The following LCP1 variants were observed in gnomAD, a reference collection of about 807,000 sequenced individuals.
LCP1 encodes the protein plastin-2.
In LCP1, 23 loss-of-function variants were observed where a neutral mutation model predicts 72.0. That is an observed-to-expected ratio of 0.32 (90% CI 0.23 to 0.45). The LOEUF (loss-of-function observed/expected upper bound fraction) is 0.45. Ranked by LOEUF, LCP1 falls within the 20% of genes least tolerant of loss-of-function variation. LCP1 has a pLI of 1.00. For synonymous variants in LCP1, 245 were observed against 275.4 expected (o/e 0.89, Z 1.09); for missense variants, 571 against 748.3 (o/e 0.76, Z 2.76).
intron 14 of LCP1, 150 bp downstream of exon 14, chr13:46,133,977 A>G: frequency 3.2e-6 from 2 of 628,548 alleles, no homozygotes; most frequent in Non-Finnish European, 5.3e-6. Flanking sequence ...GCTGATGAAC[A>G]TCAAAACAAT....
At chr13:46,130,160 T>A (rs573178663) in intron 15 of LCP1, among the ~76,000 whole-genome samples, 127 of 152,312 alleles carry the variant, frequency 8.3e-4, no homozygotes, top group African/African-American at 2.9e-3. Context: ...CGGAATCTGA[T>A]CTGAGAAAAG....
chr13:46,162,371 T>C (rs2045845165), intron 1 of LCP1, among the ~76,000 whole-genome samples: 1 of 151,002 alleles, frequency 6.6e-6, no homozygotes, highest in East Asian at 2.0e-4. Context: ...ACTGTACTGC[T>C]GCCGTATGGG....
At chr13:46,177,984 C>T (rs2045939840) in intron 1 of LCP1, among the ~76,000 whole-genome samples, 1 of 152,062 alleles carries the variant, frequency 6.6e-6, no homozygotes, top group Admixed American at 6.5e-5. Flanking sequence ...TATTTGAGCT[C>T]AACTTGAGGG....
At chr13:46,175,799 C>G (rs1485515754) in intron 1 of LCP1, among the ~76,000 whole-genome samples, 1 of 152,180 alleles carries the variant, frequency 6.6e-6, no homozygotes, top group Non-Finnish European at 1.5e-5. Flanking sequence ...GCATTAGAAA[C>G]AGTGGGGGAA....
intron 8 of LCP1, chr13:46,148,853 T>A (rs1430341791): frequency 5.9e-6 from 5 of 842,466 alleles, no homozygotes; most frequent in Non-Finnish European, 7.1e-6. Context: ...GAAGCACAAG[T>A]TTAAAGCGAG....
rs2045598605 is a variant in LCP1 at position 46,126,440 on chromosome 13, T to C, written c.*1151A>G. Reference sequence around the variant, plus strand: ...CCATTTCTTATCCAGCATAGATTCATTCTGCCCTTGACAGCTGGCTAGGTG... The same window carrying C: ...CCATTTCTTATCCAGCATAGATTCACTCTGCCCTTGACAGCTGGCTAGGTG... On this transcript the variant is annotated 3_prime_UTR_variant, in exon 16 of 16. Transcript: ENST00000323076. 1.7e-5 allele frequency: 4 copies of C among 232,560 alleles called. No homozygotes were observed. Among genetic ancestry groups the C allele is most frequent in the Non-Finnish European group, 2.6e-5 (3 of 117,296 alleles). The allele number at this position is 232,560 out of a possible 1,614,324, so 14.4% of individuals were successfully genotyped here. A position where few individuals can be genotyped will look rare whatever the true frequency, so the allele number is the denominator to read the frequency against.
At chr13:46,133,499 A>C (rs893529856) in intron 14 of LCP1, among the ~76,000 whole-genome samples, 7 of 151,966 alleles carry the variant, frequency 4.6e-5, no homozygotes, top group African/African-American at 1.7e-4. Flanking sequence ...GGTAGTGTGC[A>C]CCTGTAGTCC....
intron 4 of LCP1, 98 bp downstream of exon 4, chr13:46,158,424 G>T: frequency 7.2e-7 from 1 of 1,381,412 alleles, no homozygotes; most frequent in Non-Finnish European, 9.9e-7. Flanking sequence ...CCATAAAGCT[G>T]TGTTTGCTTC....
chr13:46,154,726 GA>G (rs1032069760), intron 6 of LCP1, 78 bp downstream of exon 6: 88 of 1,200,734 alleles, frequency 7.3e-5, no homozygotes, highest in Non-Finnish European at 1.0e-4. Flanking sequence ...CTGAGCCCCT[GA>G]AAAAGGCGGA....
intron 4 of LCP1, 44 bp from the exon 5 acceptor site, chr13:46,156,614 C>CT: frequency 6.2e-7 from 1 of 1,608,544 alleles, no homozygotes; most frequent in Non-Finnish European, 8.5e-7. Context: ...AAGTGAAACT[C>CT]TATTATAAAC....
intron 1 of LCP1, among the ~76,000 whole-genome samples, chr13:46,177,970 T>C (rs1013551041): frequency 6.6e-6 from 1 of 152,216 alleles, no homozygotes; most frequent in African/African-American, 2.4e-5. Flanking sequence ...GGAAGTATTA[T>C]GATTATTTGA....
At position 46,163,895 on chromosome 13, in the gene LCP1, A is replaced by G. The variant is rs1276605921; in HGVS notation, c.-24-4209T>C. Among the ~76,000 whole-genome samples the G allele has an allele frequency of 2.6e-5, 4 of 152,216 alleles. No homozygotes were observed. In the East Asian group the frequency reaches 7.7e-4, roughly 29 times the overall value. ...ACCATATCCACATATGCATGAATAG[A>G]AGGCTCTCCAGCTCTCCGGCTGTCC... On this transcript the variant is annotated intron_variant, in intron 1 of 15. Transcript: ENST00000323076.
intron 1 of LCP1, among the ~76,000 whole-genome samples, chr13:46,163,018 G>A (rs1020536815): frequency 6.8e-6 from 1 of 147,614 alleles, no homozygotes; most frequent in Non-Finnish European, 1.5e-5. Context: ...GAGGTGGGGG[G>A]CAGCCCCCGC....
rs532928240 is a variant in LCP1, at chr13:46,146,783, CAG to C, written c.1174+123_1174+124del. ...TCTATTTATTCTCTTTGTTGCATAC[CAG>C]AGAATTAATGGCCTGTTTGCACATG... On this transcript the variant is annotated intron_variant, in intron 10 of 15. Coordinates refer to ENST00000323076, the MANE Select transcript of LCP1 (RefSeq NM_002298.5). 1,602 of 927,104 alleles carry C rather than the reference CAG, an allele frequency of 1.7e-3. 4 individuals are homozygous for C. Among genetic ancestry groups the C allele is most frequent in the Non-Finnish European group, 2.5e-3 (1,436 of 568,294 alleles). 57.4% of individuals were successfully genotyped at this position (927,104 alleles called of 1,614,324 possible).
intron 15 of LCP1, among the ~76,000 whole-genome samples, chr13:46,129,058 T>G (rs546255867): frequency 6.6e-6 from 1 of 152,334 alleles, no homozygotes; most frequent in East Asian, 1.9e-4. Flanking sequence ...CCATATTAAT[T>G]ATTAACAAAG....
chr13:46,177,883 A>T (rs1194604330), intron 1 of LCP1, among the ~76,000 whole-genome samples: 1 of 151,538 alleles, frequency 6.6e-6, no homozygotes, highest in Non-Finnish European at 1.5e-5. Flanking sequence ...TGGTGATGAT[A>T]ATGATGATGA....
chr13:46,143,991 G>A (rs182460776), intron 11 of LCP1, among the ~76,000 whole-genome samples: 58 of 152,176 alleles, frequency 3.8e-4, no homozygotes, highest in African/African-American at 1.1e-3. Context: ...GCGTGAACCC[G>A]GGAGGCAGAG....
intron 12 of LCP1, 77 bp downstream of exon 12, chr13:46,143,213 C>CCT: frequency 1.1e-6 from 1 of 945,976 alleles, no homozygotes; most frequent in Non-Finnish European, 1.7e-6. Context: ...GTTTGGCTGC[C>CCT]TTATAAAGTA....
intron 1 of LCP1, among the ~76,000 whole-genome samples, chr13:46,176,566 C>T (rs1039118548): frequency 4.6e-5 from 7 of 152,154 alleles, no homozygotes; most frequent in African/African-American, 1.7e-4. Flanking sequence ...TTACTTCACA[C>T]ATTTGGATAC....
Sources: gnomAD v4.1 joint callset for allele counts (sites outside exome capture counted in the v4.1 genomes callset) on GRCh38, gnomAD v4.1.1 for gene constraint, MANE v1.5 for transcripts, NCBI Gene and HGNC (gene_info 2026-07-23, HGNC 2026-07-21) for gene names.